KIF13A: variants seen among roughly 807,000 people sequenced by gnomAD.
KIF13A encodes kinesin-like protein KIF13A.
KIF13A carries 79 observed loss-of-function variants against 212.2 expected under a neutral mutation model. The ratio of observed to expected loss-of-function variants is 0.37; its 90% CI spans 0.31 to 0.45. KIF13A has a LOEUF of 0.45. KIF13A is among the 20% of genes least tolerant of loss of function. The pLI is 1.00. For synonymous variants in KIF13A, 789 were observed against 808.6 expected (o/e 0.98, Z 0.41); for missense variants, 1,901 against 2,209.0 (o/e 0.86, Z 2.79).
intron 2 of KIF13A, among the ~76,000 whole-genome samples, chr6:17,905,382 G>A (rs1221351476): frequency 6.6e-6 from 1 of 152,182 alleles, no homozygotes; most frequent in African/African-American, 2.4e-5. Context: ...AACCATGCAA[G>A]AGAGACAGAT....
At chr6:17,950,934 A>G (rs1777792388) in intron 2 of KIF13A, 1 of 976,918 alleles carries the variant, frequency 1.0e-6, no homozygotes, top group African/African-American at 1.8e-5. Flanking sequence ...TCTAATTACT[A>G]AAGGACTTTT....
chr6:17,843,609 A>T lies in KIF13A; in HGVS notation c.830+5768T>A, dbSNP rs1766730731. On this transcript the variant is annotated intron_variant, in intron 9 of 38. Transcript: ENST00000259711. The surrounding 1 kb of genome is among the most constrained non-coding windows in gnomAD (Gnocchi z 5.3). Reference sequence around the variant, plus strand: ...GATCATGAAGATGACATGAACACACATTAAAGTTAGTAGAGCTGTGTGCAT... The same window carrying T: ...GATCATGAAGATGACATGAACACACTTTAAAGTTAGTAGAGCTGTGTGCAT... Among the ~76,000 whole-genome samples, 1 of 152,232 alleles carries T rather than the reference A, an allele frequency of 6.6e-6. No homozygotes were observed. The highest frequency in any genetic ancestry group is 2.1e-4 in the South Asian group (1 of 4,830).
At chr6:17,986,536 T>A (rs1454523773) in intron 2 of KIF13A, among the ~76,000 whole-genome samples, 1 of 152,224 alleles carries the variant, frequency 6.6e-6, no homozygotes. Context: ...CTAAAATAGA[T>A]ACTAACTAGT....
intron 2 of KIF13A, among the ~76,000 whole-genome samples, chr6:17,946,828 G>A (rs1777441732): frequency 6.6e-6 from 1 of 152,158 alleles, no homozygotes. Flanking sequence ...ATGAACTGTA[G>A]TATATTCATA....
intron 9 of KIF13A, among the ~76,000 whole-genome samples, chr6:17,841,837 C>T (rs957598239): frequency 1.3e-5 from 2 of 151,976 alleles, no homozygotes; most frequent in Non-Finnish European, 1.5e-5. Context: ...TGTCTATGTT[C>T]CACTCAGAAG....
At chr6:17,884,483 A>C (rs1459364732) in intron 3 of KIF13A, among the ~76,000 whole-genome samples, 1 of 152,202 alleles carries the variant, frequency 6.6e-6, no homozygotes, top group Non-Finnish European at 1.5e-5. Flanking sequence ...TATTCTCTCT[A>C]GGTACAGGAT....
At chr6:17,822,556 A>G (rs1452197677) in intron 16 of KIF13A, among the ~76,000 whole-genome samples, 2 of 152,204 alleles carry the variant, frequency 1.3e-5, no homozygotes, top group African/African-American at 2.4e-5. Flanking sequence ...AATTGATTCA[A>G]ATAAGGAACC....
chr6:17,961,767 A>G lies in KIF13A; in HGVS notation c.146+25287T>C, dbSNP rs183518419. 3.3e-4 allele frequency among the ~76,000 whole-genome samples: 50 copies of G among 152,296 alleles called. No homozygotes were observed. In the East Asian group the frequency reaches 8.3e-3, roughly 25 times the overall value. ...GCCAAGTAAGATGTCCACCTCCAGC[A>G]ACGACATAGACTGCAGCGCACACCA... On this transcript the variant is annotated intron_variant, in intron 2 of 38. Coordinates refer to ENST00000259711, the MANE Select transcript of KIF13A (RefSeq NM_022113.6). This position sits in a 1 kb window ranked among gnomAD's most constrained non-coding sequence, Gnocchi z 4.1.
Position 17,816,977 on chromosome 6 carries a change from C to A in KIF13A, c.2000+43G>T. On this transcript the variant is annotated intron_variant, in intron 17 of 38. Transcript: ENST00000259711. This position sits in a 1 kb window ranked among gnomAD's most constrained non-coding sequence, Gnocchi z 4.3. Reference sequence around the variant, plus strand: ...AAACCCCTCCCTCAAAGACCCACGGCCTTGGGGCCTTGACTCTGGGCTGCC... The same window carrying A: ...AAACCCCTCCCTCAAAGACCCACGGACTTGGGGCCTTGACTCTGGGCTGCC... 1 of 1,536,550 alleles carries A rather than the reference C, an allele frequency of 6.5e-7. No individual in the cohort carries two copies. Among genetic ancestry groups the A allele is most frequent in the East Asian group, 2.3e-5 (1 of 42,846 alleles).
chr6:17,761,927 T>G (rs1419325437), downstream of KIF13A, among the ~76,000 whole-genome samples: 2 of 152,112 alleles, frequency 1.3e-5, no homozygotes, highest in Non-Finnish European at 2.9e-5. Flanking sequence ...CTGTCTCCTA[T>G]TACTCTATGG....
Position 17,826,100 on chromosome 6 carries a change from C to T in KIF13A, c.1557G>A (p.Val519=). ...NARSCVNGTL[V]CSTTQLWHGD... ...CATGCCACAGCTGGGTGGTACTGCA[C>T]ACAAGGGTGCCGTTCACACAGGACC... Residue 519 remains valine, a synonymous_variant, in exon 15 of 39, where the codon GTG becomes GTA. Coordinates refer to ENST00000259711, the MANE Select transcript of KIF13A (RefSeq NM_022113.6). This position sits in a 1 kb window ranked among gnomAD's most constrained non-coding sequence, Gnocchi z 4.7. 3 of 1,613,984 alleles carry T rather than the reference C, an allele frequency of 1.9e-6. No homozygotes were observed. Among genetic ancestry groups the T allele is most frequent in the Non-Finnish European group, 1.7e-6 (2 of 1,179,876 alleles).
chr6:17,819,443 G>A (rs1007133750), intron 16 of KIF13A, among the ~76,000 whole-genome samples: 1 of 151,928 alleles, frequency 6.6e-6, no homozygotes, highest in Admixed American at 6.6e-5. Context: ...TGTGCCTGTA[G>A]TCCCAGCTAC....
At chr6:17,943,886 A>AT (rs1777160002) in intron 2 of KIF13A, among the ~76,000 whole-genome samples, 2 of 152,270 alleles carry the variant, frequency 1.3e-5, no homozygotes, top group South Asian at 4.1e-4. Flanking sequence ...AACACCAGTT[A>AT]ATGCAGTGAA....
intron 3 of KIF13A, chr6:17,881,407 T>C: frequency 2.4e-6 from 1 of 414,808 alleles, no homozygotes; most frequent in South Asian, 1.8e-5. Flanking sequence ...TTAAAAGTCA[T>C]CTCTGATGGC....
intron 2 of KIF13A, among the ~76,000 whole-genome samples, chr6:17,959,742 G>A (rs569747221): frequency 6.6e-6 from 1 of 152,294 alleles, no homozygotes; most frequent in East Asian, 1.9e-4. Context: ...CTATCAGTTC[G>A]GCTGGGCGCA....
At chr6:17,907,918 T>C (rs73373138) in intron 2 of KIF13A, among the ~76,000 whole-genome samples, 16,414 of 152,170 alleles carry the variant, frequency 0.11, 1,183 homozygotes, top group African/African-American at 0.18. Context: ...AGATCTGTTT[T>C]AGGAGGGTGA....
In KIF13A at chr6:17,777,102, G is replaced by A. The variant is rs1016055672; in HGVS notation, c.4170+175C>T. Among the ~76,000 whole-genome samples the A allele has an allele frequency of 4.6e-5, 7 of 152,212 alleles. No individual in the cohort carries two copies. Among genetic ancestry groups the A allele is most frequent in the Non-Finnish European group, 7.3e-5 (5 of 68,036 alleles). ...TTCATAAGATTGAACAAATGGCTCA[G>A]TCTTAGACAACTGTGCTGCCTGGTG... On this transcript the variant is annotated intron_variant, in intron 34 of 38. Coordinates refer to ENST00000259711, the MANE Select transcript of KIF13A (RefSeq NM_022113.6). This position sits in a 1 kb window ranked among gnomAD's most constrained non-coding sequence, Gnocchi z 4.4.
intron 2 of KIF13A, among the ~76,000 whole-genome samples, chr6:17,952,476 T>C (rs1451992759): frequency 2.0e-5 from 3 of 150,980 alleles, no homozygotes; most frequent in Admixed American, 2.0e-4. Flanking sequence ...CTACAAAAAA[T>C]TTAAAAATTA....
At chr6:17,942,391 C>A (rs1202453430) in intron 2 of KIF13A, among the ~76,000 whole-genome samples, 1 of 151,664 alleles carries the variant, frequency 6.6e-6, no homozygotes, top group African/African-American at 2.4e-5. Flanking sequence ...CTTTGCCACA[C>A]CAGAACAATC....
Sources: allele counts gnomAD v4.1 joint callset (sites outside exome capture counted in the v4.1 genomes callset), GRCh38; gene constraint gnomAD v4.1.1; non-coding constraint Gnocchi (gnomAD v3.1); transcripts MANE v1.5; gene names NCBI Gene and HGNC (gene_info 2026-07-23, HGNC 2026-07-21).